Variants in ASIC2 observed in about 807,000 individuals in gnomAD.
The protein encoded by ASIC2 is acid sensing ion channel subunit 2.
In ASIC2, 25 loss-of-function variants were observed where a neutral mutation model predicts 57.3. The observed-to-expected ratio is 0.44, with a 90% confidence interval of 0.32 to 0.61. The LOEUF (loss-of-function observed/expected upper bound fraction) is 0.61. Among genes scored for constraint, ASIC2 ranks in the 20% least tolerant of loss-of-function variants. The pLI, the probability that ASIC2 is intolerant of heterozygous loss-of-function variation, is 0.06. For synonymous variants in ASIC2, 319 were observed against 307.5 expected (o/e 1.04, Z -0.39); for missense variants, 641 against 738.1 (o/e 0.87, Z 1.52).
chr17:34,029,337 G>A (rs115304612), intron 1 of ASIC2, among the ~76,000 whole-genome samples: 2,005 of 127,298 alleles, frequency 0.016, 47 homozygotes, highest in East Asian at 0.071. Flanking sequence ...ATAAATGAAT[G>A]AATGAATGCC....
chr17:33,733,486 C>T (rs754909380), intron 1 of ASIC2, among the ~76,000 whole-genome samples: 10 of 152,260 alleles, frequency 6.6e-5, no homozygotes, highest in South Asian at 6.2e-4. Context: ...AGGGAGGAGA[C>T]GGAGAGGGTG....
rs139680067 is a variant in ASIC2 at position 33,317,530 on chromosome 17, T to G, written c.556-205463A>C. Among the ~76,000 whole-genome samples the G allele has an allele frequency of 3.9e-3, 590 of 152,346 alleles. 3 individuals are homozygous for G. The highest frequency in any genetic ancestry group is 0.013 in the African/African-American group (547 of 41,578). The stretch of plus-strand genomic sequence containing the variant: ...CATCTAAGGGACACCCAATGAAAAT[T>G]CCTTCTCCTTTTTACAATTCCTTTC... On this transcript the variant is annotated intron_variant, in intron 1 of 9. Transcript: ENST00000359872.
At chr17:34,078,293 G>A (rs1299932323) in intron 1 of ASIC2, among the ~76,000 whole-genome samples, 1 of 152,178 alleles carries the variant, frequency 6.6e-6, no homozygotes. Context: ...GCCTAGCACT[G>A]TACCTGGCAC....
intron 1 of ASIC2, among the ~76,000 whole-genome samples, chr17:34,041,712 T>G (rs566047556): frequency 1.3e-5 from 2 of 152,342 alleles, no homozygotes; most frequent in South Asian, 2.1e-4. Context: ...TGTGAGGTGC[T>G]GGCAAAGAAA....
intron 1 of ASIC2, among the ~76,000 whole-genome samples, chr17:33,473,071 A>G (rs1913107052): frequency 6.6e-6 from 1 of 152,214 alleles, no homozygotes; most frequent in African/African-American, 2.4e-5. Context: ...AATAATCAAT[A>G]AGTACCATCT....
intron 1 of ASIC2, among the ~76,000 whole-genome samples, chr17:34,144,998 C>T (rs912879665): frequency 6.6e-6 from 1 of 152,194 alleles, no homozygotes. Context: ...ACATGGAACC[C>T]GGCCATGCCC....
chr17:33,182,101 G>C (rs1445374810), intron 1 of ASIC2, among the ~76,000 whole-genome samples: 1 of 152,186 alleles, frequency 6.6e-6, no homozygotes, highest in African/African-American at 2.4e-5. Flanking sequence ...GTGGGTTGAA[G>C]GCATAAACAG....
rs1031987768 is a variant in ASIC2 at position 33,748,996 on chromosome 17, C to A, written c.555+406982G>T. ...CATGGCCCTGGGCTCAGGGGGCCCT[C>A]GGCACAGCCTAAGAACACTTGGCTG... On this transcript the variant is annotated intron_variant, in intron 1 of 9. Transcript: ENST00000359872. Among the ~76,000 whole-genome samples, 6 of 152,122 alleles carry A rather than the reference C, an allele frequency of 3.9e-5. No individual in the cohort carries two copies. In the South Asian group the frequency reaches 1.2e-3, roughly 32 times the overall value.
intron 1 of ASIC2, among the ~76,000 whole-genome samples, chr17:33,978,348 G>T (rs186573297): frequency 6.6e-6 from 1 of 152,162 alleles, no homozygotes; most frequent in Non-Finnish European, 1.5e-5. Flanking sequence ...CACTGCAGTC[G>T]AGTCAAGGCA....
At chr17:33,352,941 C>T (rs992682703) in intron 1 of ASIC2, among the ~76,000 whole-genome samples, 3 of 152,156 alleles carry the variant, frequency 2.0e-5, no homozygotes, top group Admixed American at 6.5e-5. Flanking sequence ...CCTCACTCTT[C>T]ACAATACCCG....
At chr17:33,350,092 C>T (rs542546971) in intron 1 of ASIC2, among the ~76,000 whole-genome samples, 17 of 152,342 alleles carry the variant, frequency 1.1e-4, no homozygotes, top group African/African-American at 3.8e-4. Context: ...CGGTTCTTCA[C>T]AGTCGGTGGA....
intron 1 of ASIC2, among the ~76,000 whole-genome samples, chr17:33,676,494 T>A (rs1487047337): frequency 1.3e-5 from 2 of 151,630 alleles, no homozygotes; most frequent in Non-Finnish European, 2.9e-5. Flanking sequence ...TTCTTGCTGA[T>A]ATAGAGAACG....
At chr17:34,041,798 G>A (rs1430398945) in intron 1 of ASIC2, among the ~76,000 whole-genome samples, 1 of 152,172 alleles carries the variant, frequency 6.6e-6, no homozygotes, top group Non-Finnish European at 1.5e-5. Flanking sequence ...GGGACTAGCA[G>A]AAGAAAACAC....
At chr17:33,076,041 C>T (rs1336120149) in intron 3 of ASIC2, among the ~76,000 whole-genome samples, 1 of 152,152 alleles carries the variant, frequency 6.6e-6, no homozygotes, top group African/African-American at 2.4e-5. Context: ...TAAATCCATC[C>T]TACATGGATG....
At chr17:33,405,509 A>T (rs1910441229) in intron 1 of ASIC2, among the ~76,000 whole-genome samples, 1 of 123,586 alleles carries the variant, frequency 8.1e-6, no homozygotes, top group African/African-American at 3.2e-5. Flanking sequence ...TTTGAGATGG[A>T]GTCTTGCTCT....
At chr17:34,069,587 G>C (rs1465330682) in intron 1 of ASIC2, 1 of 152,202 alleles carries the variant, frequency 6.6e-6, no homozygotes, top group Non-Finnish European at 1.5e-5. Context: ...TTTCTTGAGT[G>C]AAGACAAGGG....
chr17:34,046,804 C>T (rs72822916), intron 1 of ASIC2, among the ~76,000 whole-genome samples: 2,743 of 152,240 alleles, frequency 0.018, 43 homozygotes, highest in Non-Finnish European at 0.031. Flanking sequence ...AAGAGTAATA[C>T]AAGCTCCAGT....
intron 1 of ASIC2, among the ~76,000 whole-genome samples, chr17:34,124,784 G>A (rs944542262): frequency 3.9e-5 from 6 of 151,934 alleles, no homozygotes; most frequent in African/African-American, 1.5e-4. Flanking sequence ...CCCTCTTCCT[G>A]TAATGACGCT....
At chr17:34,038,734 G>A in intron 1 of ASIC2, 7 of 1,606,448 alleles carry the variant, frequency 4.4e-6, no homozygotes, top group Non-Finnish European at 3.4e-6. Context: ...CTTGTTCATG[G>A]TATTCTTTTA....
Sources: gnomAD v4.1 joint callset for allele counts (sites outside exome capture counted in the v4.1 genomes callset) on GRCh38, gnomAD v4.1.1 for gene constraint, MANE v1.5 for transcripts, NCBI Gene and HGNC (gene_info 2026-07-23, HGNC 2026-07-21) for gene names.